ZFAND5: variants seen among roughly 807,000 people sequenced by gnomAD.
The protein encoded by ZFAND5 is zinc finger AN1-type containing 5.
In ZFAND5, 4 loss-of-function variants were observed where a neutral mutation model predicts 23.6. The ratio of observed to expected loss-of-function variants is 0.17; its 90% confidence interval spans 0.08 to 0.39. The LOEUF (loss-of-function observed/expected upper bound fraction) is 0.39. Ranked by LOEUF, ZFAND5 falls within the 10% of genes least tolerant of loss-of-function variation. ZFAND5 has a pLI of 1.00. For synonymous variants in ZFAND5, 68 were observed against 80.6 expected (o/e 0.84, Z 0.84); for missense variants, 161 against 253.7 (o/e 0.63, Z 2.48).
At chr9:72,362,674 C>G (rs1004729045) in intron 2 of ZFAND5, among the ~76,000 whole-genome samples, 1 of 152,198 alleles carries the variant, frequency 6.6e-6, no homozygotes, top group Non-Finnish European at 1.5e-5. Context: ...CTGCGAGACA[C>G]ACAAGAGGTA....
rs1199555847 is a variant in ZFAND5, at chr9:72,355,757, A to AT, written c.*195dup. 2 of 455,842 alleles carry AT rather than the reference A, an allele frequency of 4.4e-6. No individual in the cohort carries two copies. Among genetic ancestry groups the AT allele is most frequent in the Non-Finnish European group, 7.5e-6 (2 of 267,302 alleles). The allele number at this position is 455,842 out of a possible 1,614,324, so 28.2% of individuals were successfully genotyped here. A position where few individuals can be genotyped will look rare whatever the true frequency, so the allele number is the denominator to read the frequency against. ...ATTTTTTTCAGGGGAGGGCATATAC[A>AT]TTTGTAGGGCTGTATCTATCCAATT... On this transcript the variant is annotated 3_prime_UTR_variant, in exon 7 of 7. Transcript: ENST00000376962.
In ZFAND5 at chr9:72,355,028, T is replaced by G. The variant is rs1377019004; in HGVS notation, c.*925A>C. On this transcript the variant is annotated 3_prime_UTR_variant, in exon 7 of 7. Transcript: ENST00000376962. ...AGAAGGGTACAGTTACATTAAGAAC[T>G]GAAGTCTTTTAAAAAGCTTTAAACA... 6.6e-6 allele frequency: 1 copy of G among 152,652 alleles called. No homozygotes were observed. Among genetic ancestry groups the G allele is most frequent in the Non-Finnish European group, 1.5e-5 (1 of 68,034 alleles). The allele number at this position is 152,652 out of a possible 1,614,324, so 9.5% of individuals were successfully genotyped here.
In ZFAND5 at chr9:72,360,060, T is replaced by C. The variant is rs776468627; in HGVS notation, c.263+50A>G. ...TTATTATTGGACCAGTACAGACATCTTGATTTCTTCTTTGTAATATCATAA... is the reference window on the plus strand; with the variant it reads ...TTATTATTGGACCAGTACAGACATCCTGATTTCTTCTTTGTAATATCATAA... On this transcript the variant is annotated intron_variant, in intron 4 of 6. Transcript: ENST00000376962. The C allele has an allele frequency of 2.0e-6, 3 of 1,509,272 alleles. No homozygotes were observed. In the South Asian group the frequency reaches 3.5e-5, roughly 17 times the overall value. 93.5% of individuals were successfully genotyped at this position (1,509,272 alleles called of 1,614,324 possible).
rs146327065 is a variant in ZFAND5 at position 72,353,660 on chromosome 9, A to AAACT, written c.*2292_*2293insAGTT. 0.92 allele frequency: 140,591 copies of AAACT among 152,140 alleles called. 65,964 individuals are homozygous for AAACT. The highest frequency in any genetic ancestry group is 1 in the Non-Finnish European group (67,990 of 68,088). The allele number at this position is 152,140 out of a possible 1,614,324, so 9.4% of individuals were successfully genotyped here. ...TTGCACTGCAGCCTGGCCAAACAAA[A>AAACT]ATCTATCTCTTGCTACTACTCAGAC... On this transcript the variant is annotated 3_prime_UTR_variant, in exon 7 of 7. Transcript: ENST00000376962.
rs1193569051 is a variant in ZFAND5, at chr9:72,363,570, G to A, written c.-110C>T. 1 of 936,156 alleles carries A rather than the reference G, an allele frequency of 1.1e-6. No homozygotes were observed. The highest frequency in any genetic ancestry group is 1.3e-6 in the Non-Finnish European group (1 of 785,044). The allele number at this position is 936,156 out of a possible 1,614,324, so 58.0% of individuals were successfully genotyped here. ...GATTTCAGTTCCCTCTTTGCCAAAT[G>A]GAGTAGAATTGACTTTTAAAGGCTC... On this transcript the variant is annotated 5_prime_UTR_variant, in exon 2 of 7. Transcript: ENST00000376962.
rs139858008 is a variant in ZFAND5 at position 72,361,886 on chromosome 9, G to A, written c.-9-1099C>T. On this transcript the variant is annotated intron_variant, in intron 2 of 6. Coordinates refer to ENST00000376962, the MANE Select transcript of ZFAND5 (RefSeq NM_001102420.3). ...AGAGCATTTGCTTAAAGGAAAATTC[G>A]TGTGCTGTAACTTGTGGTCAGTCAT... Among the ~76,000 whole-genome samples, 81 of 152,276 alleles carry A rather than the reference G, an allele frequency of 5.3e-4. 2 individuals are homozygous for A. The East Asian group carries it at 0.013, about 24-fold the overall frequency.
intron 1 of ZFAND5, 180 bp downstream of exon 1, chr9:72,364,516 A>G: frequency 7.8e-7 from 1 of 1,280,286 alleles, no homozygotes; most frequent in East Asian, 6.8e-5. Flanking sequence ...CCACGACGAC[A>G]GGATGACGCC....
intron 3 of ZFAND5, 114 bp downstream of exon 3, chr9:72,360,514 A>G (rs1480196560): frequency 1.4e-6 from 2 of 1,399,672 alleles, no homozygotes; most frequent in South Asian, 1.3e-5. Flanking sequence ...TTGAATTTCA[A>G]GCTCTTATCA....
chr9:72,353,732 ACT>A lies in ZFAND5; in HGVS notation c.*2219_*2220del, dbSNP rs1338915804. On this transcript the variant is annotated 3_prime_UTR_variant, in exon 7 of 7. Coordinates refer to ENST00000376962, the MANE Select transcript of ZFAND5 (RefSeq NM_001102420.3). Reference sequence around the variant, plus strand: ...GGGCTCATCTTACCTTCTCTATACCACTCTTACTTCCATTTTTAACTTGAAAA... The same window carrying A: ...GGGCTCATCTTACCTTCTCTATACCACTTACTTCCATTTTTAACTTGAAAA... 2.2e-4 allele frequency: 8 copies of A among 36,342 alleles called. No homozygotes were observed. The highest frequency in any genetic ancestry group is 0.015 in the Middle Eastern group (1 of 68). 2.3% of individuals were successfully genotyped at this position (36,342 alleles called of 1,614,324 possible).
intron 5 of ZFAND5, among the ~76,000 whole-genome samples, chr9:72,357,648 G>A (rs902601835): frequency 6.6e-6 from 1 of 151,800 alleles, no homozygotes; most frequent in Admixed American, 6.6e-5. Flanking sequence ...AGACTTGAAA[G>A]ATTTTTTTAA....
Position 72,363,195 on chromosome 9 carries a change from G to A in ZFAND5, c.-10+275C>T, listed in dbSNP as rs1276982780. Among the ~76,000 whole-genome samples the A allele has an allele frequency of 6.6e-5, 10 of 152,192 alleles. No homozygotes were observed. In the East Asian group the frequency reaches 1.5e-3, roughly 24 times the overall value. On this transcript the variant is annotated intron_variant, in intron 2 of 6. Transcript: ENST00000376962. ...GGGATGTGTGTTCCCATTAGGTATT[G>A]CATTCCCCTTGTATTTTAGAAAAAA...
chr9:72,356,151 GA>G lies in ZFAND5; in HGVS notation c.494-51del, dbSNP rs749608269. 5.4e-5 allele frequency: 84 copies of G among 1,569,586 alleles called. 1 individual carries two copies. In the Middle Eastern group the frequency reaches 1.7e-3, roughly 32 times the overall value. ...ATTTGAGAACTTGAGGCAATTAAAAGAAAAAAAAGCCTTAGTCACTATAGAA... is the reference window on the plus strand; with the variant it reads ...ATTTGAGAACTTGAGGCAATTAAAAGAAAAAAAGCCTTAGTCACTATAGAA... On this transcript the variant is annotated intron_variant, in intron 6 of 6. Coordinates refer to ENST00000376962, the MANE Select transcript of ZFAND5 (RefSeq NM_001102420.3).
chr9:72,362,918 T>C (rs1456484759), intron 2 of ZFAND5, among the ~76,000 whole-genome samples: 2 of 152,198 alleles, frequency 1.3e-5, no homozygotes, highest in Non-Finnish European at 2.9e-5. Context: ...CTTCTATTTA[T>C]ATCTCAAAGC....
rs901295530 is a variant in ZFAND5 at position 72,364,468 on chromosome 9, G to A, written c.-147+228C>T. The A allele has an allele frequency of 1.1e-5, 14 of 1,279,692 alleles. No homozygotes were observed. In the African/African-American group the frequency reaches 1.6e-4, roughly 15 times the overall value. 79.3% of individuals were successfully genotyped at this position (1,279,692 alleles called of 1,614,324 possible). ...CCGTGCATTGTTTCCCGACCGTGCT[G>A]TGGAGCGAGCCAGGGACGCCGGGAG... On this transcript the variant is annotated intron_variant, in intron 1 of 6. Transcript: ENST00000376962.
intron 4 of ZFAND5, 148 bp from the exon 5 acceptor site, chr9:72,359,669 T>C: frequency 1.3e-6 from 1 of 746,636 alleles, no homozygotes; most frequent in Non-Finnish European, 2.0e-6. Flanking sequence ...AAAAATTGGA[T>C]GCCCAGCACA....
intron 2 of ZFAND5, 86 bp from the exon 3 acceptor site, chr9:72,360,873 C>T (rs1316300921): frequency 3.2e-6 from 4 of 1,252,496 alleles, no homozygotes; most frequent in Non-Finnish European, 4.2e-6. Context: ...GTAATTGCTA[C>T]GCAAGTTTTA....
At chr9:72,359,289 TTTGC>T (rs1564307251) in intron 5 of ZFAND5, 125 bp downstream of exon 5, 7 of 768,210 alleles carry the variant, frequency 9.1e-6, no homozygotes, top group Non-Finnish European at 1.5e-5. Context: ...ATAGTAGTTC[TTTGC>T]TTGGCCTATA....
In ZFAND5 at chr9:72,363,517, G is replaced by A. The variant is rs550052656; in HGVS notation, c.-57C>T. On this transcript the variant is annotated 5_prime_UTR_variant, in exon 2 of 7. Coordinates refer to ENST00000376962, the MANE Select transcript of ZFAND5 (RefSeq NM_001102420.3). ...AAGTCTCTAGTCTGCCACTAAGTCAGTGACCTTGGGCAAGTCCTTACTTTC... is the reference window on the plus strand; with the variant it reads ...AAGTCTCTAGTCTGCCACTAAGTCAATGACCTTGGGCAAGTCCTTACTTTC... The A allele has an allele frequency of 4.9e-6, 3 of 612,952 alleles. No individual in the cohort carries two copies. The highest frequency in any genetic ancestry group is 6.1e-6 in the Non-Finnish European group (3 of 489,598). The allele number at this position is 612,952 out of a possible 1,614,324, so 38.0% of individuals were successfully genotyped here.
chr9:72,359,449 T>C lies in ZFAND5; in HGVS notation c.336A>G (p.Ile112Met), dbSNP rs753969807. 6.2e-7 allele frequency: 1 copy of C among 1,613,652 alleles called. No individual in the cohort carries two copies. Among genetic ancestry groups the C allele is most frequent in the South Asian group, 1.1e-5 (1 of 91,050 alleles). ...TEMSISREDK[I>M]TTPKTEVSEP... Reference sequence around the variant, plus strand: ...CTGACACCTCTGTTTTCGGGGTAGTTATTTTGTCCTCTCTTGAAATGCTCA... The same window carrying C: ...CTGACACCTCTGTTTTCGGGGTAGTCATTTTGTCCTCTCTTGAAATGCTCA... The change falls in exon 5 of 7, where the codon ATA becomes ATG. Residue 112 changes from isoleucine to methionine, a missense_variant. By Grantham distance (10) the Ile-to-Met change is conservative (BLOSUM62 1). Transcript: ENST00000376962.
Sources: gnomAD v4.1 joint callset for allele counts (sites outside exome capture counted in the v4.1 genomes callset) on GRCh38, gnomAD v4.1.1 for gene constraint, MANE v1.5 for transcripts, NCBI Gene and HGNC (gene_info 2026-07-23, HGNC 2026-07-21) for gene names.